Variants in PDGFRL observed in about 807,000 individuals in gnomAD.
The protein encoded by PDGFRL is platelet-derived growth factor receptor-like protein.
In PDGFRL, 46 loss-of-function variants were observed where a neutral mutation model predicts 37.2. The ratio of observed to expected loss-of-function variants is 1.24; its 90% CI spans 0.98 to 1.58. The LOEUF (loss-of-function observed/expected upper bound fraction) is 1.58, where lower values mean the gene tolerates loss of function less well. Ranked by LOEUF, PDGFRL falls within the 40% of genes most tolerant of loss-of-function variation. The probability of loss-of-function intolerance (pLI) is 0.00; values close to 1 mark genes in which losing one functional copy is unlikely to be tolerated. For synonymous variants in PDGFRL, 251 were observed against 184.3 expected, an observed-to-expected ratio of 1.36 and a Z score of -2.93; for missense variants, 692 against 467.6, an observed-to-expected ratio of 1.48 and a Z score of -4.43.
chr8:17,622,324 A>G (rs1463936377), intron 3 of PDGFRL, among the ~76,000 whole-genome samples: 2 of 152,182 alleles, frequency 1.3e-5, no homozygotes, highest in African/African-American at 4.8e-5. Context: ...ATTTCAGGTG[A>G]AACCAGAATC....
rs777987478 is a variant in PDGFRL at position 17,642,880 on chromosome 8, C to A, written c.*79C>A. 1.1e-6 allele frequency: 1 copy of A among 899,468 alleles called. No homozygotes were observed. The highest frequency in any genetic ancestry group is 1.8e-6 in the Non-Finnish European group (1 of 564,088). 55.7% of individuals were successfully genotyped at this position (899,468 alleles called of 1,614,324 possible). On this transcript the variant is annotated 3_prime_UTR_variant, in exon 6 of 6. Transcript: ENST00000251630. ...AGCTTTGGGGTTCCTTTTATTAGTG[C>A]TTTGCCAGAGGCTGATGTCAAGCAC... is the stretch of plus-strand genomic sequence containing the variant.
intron 3 of PDGFRL, among the ~76,000 whole-genome samples, chr8:17,627,765 C>G (rs1382947625): frequency 6.6e-6 from 1 of 151,876 alleles, no homozygotes; most frequent in Non-Finnish European, 1.5e-5. Flanking sequence ...CATGAGCCAC[C>G]ACGCCTGGCC....
chr8:17,608,622 C>T (rs1032083674), intron 2 of PDGFRL, among the ~76,000 whole-genome samples: 21 of 152,138 alleles, frequency 1.4e-4, no homozygotes, highest in African/African-American at 4.8e-4. Context: ...ATAGCATTAA[C>T]GTTTGCTTAA....
At chr8:17,589,431 T>C (rs761440797) in intron 1 of PDGFRL, 37 bp from the exon 2 acceptor site, 1 of 1,500,146 alleles carries the variant, frequency 6.7e-7, no homozygotes, top group Non-Finnish European at 9.1e-7. Context: ...AAAAATGTCA[T>C]TACTACAGCG....
chr8:17,615,922 C>T (rs2720552), intron 2 of PDGFRL, among the ~76,000 whole-genome samples: 125,120 of 152,220 alleles, frequency 0.82, 51,782 homozygotes, highest in Middle Eastern at 0.88. Context: ...AACGAATAAA[C>T]AAGATGTATT....
chr8:17,589,310 T>C (rs1803881242), intron 1 of PDGFRL, among the ~76,000 whole-genome samples, 158 bp from the exon 2 acceptor site: 1 of 151,766 alleles, frequency 6.6e-6, no homozygotes, highest in Non-Finnish European at 1.5e-5. Context: ...CACTTGAACC[T>C]GGGAGGTGGA....
intron 2 of PDGFRL, among the ~76,000 whole-genome samples, chr8:17,616,065 G>C (rs994942731): frequency 2.0e-5 from 3 of 152,226 alleles, no homozygotes; most frequent in Non-Finnish European, 4.4e-5. Flanking sequence ...AAGCCAGACT[G>C]TGGAAGACGA....
intron 5 of PDGFRL, among the ~76,000 whole-genome samples, chr8:17,641,539 C>T (rs1805093033): frequency 6.6e-6 from 1 of 152,214 alleles, no homozygotes; most frequent in South Asian, 2.1e-4. Flanking sequence ...TGGCAAGCTG[C>T]TGTGAGCAGA....
intron 1 of PDGFRL, among the ~76,000 whole-genome samples, chr8:17,588,694 T>A (rs554088016): frequency 2.6e-5 from 4 of 152,122 alleles, no homozygotes; most frequent in Admixed American, 2.6e-4. Flanking sequence ...ACAAAATATT[T>A]TGCGTGCACT....
intron 5 of PDGFRL, among the ~76,000 whole-genome samples, chr8:17,641,896 T>TCCCCGCCGCCCC: frequency 9.6e-6 from 1 of 103,888 alleles, no homozygotes; most frequent in East Asian, 2.6e-4. Flanking sequence ...TCAATAGAGG[T>TCCCCGCCGCCCC]CCCCGCCACA....
chr8:17,631,353 G>A (rs992648208), intron 4 of PDGFRL, among the ~76,000 whole-genome samples: 30 of 152,214 alleles, frequency 2.0e-4, no homozygotes, highest in African/African-American at 6.7e-4. Flanking sequence ...CCCTGCAGTG[G>A]AGCTTCTCAG....
intron 2 of PDGFRL, among the ~76,000 whole-genome samples, chr8:17,608,458 G>A (rs957580737): frequency 4.6e-5 from 7 of 152,102 alleles, no homozygotes; most frequent in African/African-American, 7.2e-5. Context: ...CAGGTGGCTC[G>A]TGCATTGGCA....
intron 5 of PDGFRL, among the ~76,000 whole-genome samples, chr8:17,638,150 G>C (rs184851845): frequency 1.3e-5 from 2 of 152,016 alleles, no homozygotes; most frequent in African/African-American, 4.8e-5. Context: ...GTCTATTTGT[G>C]CTCTTTCAGA....
intron 2 of PDGFRL, among the ~76,000 whole-genome samples, chr8:17,612,616 C>T (rs1289027253): frequency 5.3e-5 from 8 of 152,190 alleles, no homozygotes; most frequent in African/African-American, 1.7e-4. Context: ...GGTGATCCAC[C>T]TACCTCGGCC....
chr8:17,599,524 C>T (rs1156493880), intron 2 of PDGFRL, among the ~76,000 whole-genome samples: 1 of 152,152 alleles, frequency 6.6e-6, no homozygotes, highest in East Asian at 1.9e-4. Context: ...CACTTGGAAA[C>T]TTGCGACCCT....
chr8:17,583,722 C>G (rs943767965), intron 1 of PDGFRL, among the ~76,000 whole-genome samples: 2 of 152,098 alleles, frequency 1.3e-5, no homozygotes, highest in African/African-American at 4.8e-5. Context: ...GGTAATAGAA[C>G]TAATAGCGTG....
At chr8:17,580,966 TG>T (rs1233813289) in intron 1 of PDGFRL, among the ~76,000 whole-genome samples, 7 of 152,012 alleles carry the variant, frequency 4.6e-5, no homozygotes, top group Admixed American at 2.0e-4. Flanking sequence ...TACGTGTGTG[TG>T]TGTGTGTCTC....
At chr8:17,590,800 G>A (rs1244254161) in intron 2 of PDGFRL, among the ~76,000 whole-genome samples, 4 of 151,920 alleles carry the variant, frequency 2.6e-5, no homozygotes, top group Non-Finnish European at 5.9e-5. Flanking sequence ...AAACTGAAAT[G>A]ACCTAACAGG....
chr8:17,589,413 A>C (rs1803883880), intron 1 of PDGFRL, 55 bp from the exon 2 acceptor site: 1 of 1,382,204 alleles, frequency 7.2e-7, no homozygotes, highest in Admixed American at 2.1e-5. Context: ...ATTGGCCTCA[A>C]ATATTCCAAA....
Sources: gnomAD v4.1 joint callset for allele counts (sites outside exome capture counted in the v4.1 genomes callset) on GRCh38, gnomAD v4.1.1 for gene constraint, MANE v1.5 for transcripts, NCBI Gene and HGNC (gene_info 2026-07-23, HGNC 2026-07-21) for gene names.